IDE: variants seen among roughly 807,000 people sequenced by gnomAD.
IDE encodes the protein insulin-degrading enzyme.
A neutral mutation model predicts 133.2 loss-of-function variants in IDE; 58 were observed. The observed-to-expected ratio is 0.44, with a 90% CI of 0.35 to 0.54. The LOEUF (loss-of-function observed/expected upper bound fraction) is 0.54, where lower values mean the gene tolerates loss of function less well. IDE is among the 20% of genes least tolerant of loss of function. The probability of loss-of-function intolerance (pLI) is 0.00; values close to 1 mark genes in which losing one functional copy is unlikely to be tolerated. For synonymous variants in IDE, 396 were observed against 421.3 expected (o/e 0.94, Z 0.73); for missense variants, 981 against 1,234.0 (o/e 0.79, Z 3.07).
chr10:92,556,537 C>T (rs1843019566), intron 1 of IDE, among the ~76,000 whole-genome samples: 1 of 151,724 alleles, frequency 6.6e-6, no homozygotes. Context: ...GGCAGGTGAT[C>T]ACCTGAGGTC....
chr10:92,552,473 T>C (rs1842828719), intron 1 of IDE, among the ~76,000 whole-genome samples: 1 of 152,184 alleles, frequency 6.6e-6, no homozygotes, highest in Admixed American at 6.5e-5. Context: ...TATATGTGGC[T>C]GTCCACCAGA....
chr10:92,572,412 T>C (rs556485900), intron 1 of IDE, among the ~76,000 whole-genome samples: 1 of 152,196 alleles, frequency 6.6e-6, no homozygotes, highest in African/African-American at 2.4e-5. Flanking sequence ...ACAAGTTCCA[T>C]AGAGTCTTCA....
chr10:92,479,412 A>G lies in IDE; in HGVS notation c.1749T>C (p.Ala583=), dbSNP rs1329756971. 33 of 1,604,530 alleles carry G rather than the reference A, an allele frequency of 2.1e-5. No homozygotes were observed. The highest frequency in any genetic ancestry group is 2.6e-5 in the Non-Finnish European group (30 of 1,172,422). Residue 583 remains alanine, a synonymous_variant, in exon 15 of 25, where the codon GCT becomes GCC. Coordinates refer to ENST00000265986, the MANE Select transcript of IDE (RefSeq NM_004969.4). ...TGTTACAGTGCAAGGGGTCCACATA[A>G]GCAAATGGGCTGGAAGAAAATGTTG... ...CLNFEFFSPF[A]YVDPLHCNMA...
At chr10:92,536,043 A>G (rs1318012195) in intron 2 of IDE, among the ~76,000 whole-genome samples, 3 of 151,718 alleles carry the variant, frequency 2.0e-5, no homozygotes, top group Non-Finnish European at 4.4e-5. Context: ...CTCAGAGAAA[A>G]AAAAAAAAAG....
intron 20 of IDE, 136 bp from the exon 21 acceptor site, chr10:92,464,139 G>A: frequency 3.7e-6 from 3 of 814,964 alleles, no homozygotes; most frequent in Non-Finnish European, 2.0e-6. Flanking sequence ...AAAGAAATAT[G>A]AGCACTTAAG....
chr10:92,461,175 T>C lies in IDE; in HGVS notation c.2823+16A>G, dbSNP rs951087436. 1 of 1,216,218 alleles carries C rather than the reference T, an allele frequency of 8.2e-7. No homozygotes were observed. The highest frequency in any genetic ancestry group is 1.2e-6 in the Non-Finnish European group (1 of 820,094). 75.3% of individuals were successfully genotyped at this position (1,216,218 alleles called of 1,614,324 possible). The stretch of plus-strand genomic sequence containing the variant: ...TTTCATATCAGTCAAAATCTAAATA[T>C]ATGAATTTGACTTACCTTGTAGAAT... On this transcript the variant is annotated intron_variant, in intron 22 of 24. Coordinates refer to ENST00000265986, the MANE Select transcript of IDE (RefSeq NM_004969.4).
At chr10:92,565,715 C>T (rs1290933536) in intron 1 of IDE, among the ~76,000 whole-genome samples, 1 of 152,142 alleles carries the variant, frequency 6.6e-6, no homozygotes, top group Non-Finnish European at 1.5e-5. Context: ...TACCAAGTTC[C>T]AGTCATATTT....
chr10:92,475,079 T>C, intron 16 of IDE, 118 bp from the exon 17 acceptor site: 1 of 718,014 alleles, frequency 1.4e-6, no homozygotes, highest in Non-Finnish European at 2.3e-6. Context: ...ATTCCCTTCT[T>C]TCCCCTTTCT....
At chr10:92,478,312 C>T (rs958455040) in intron 15 of IDE, among the ~76,000 whole-genome samples, 3 of 152,086 alleles carry the variant, frequency 2.0e-5, no homozygotes, top group South Asian at 4.1e-4. Flanking sequence ...ATTCAATCAC[C>T]ACAACAACTA....
At chr10:92,545,600 C>G (rs1458508777) in intron 1 of IDE, among the ~76,000 whole-genome samples, 7 of 152,150 alleles carry the variant, frequency 4.6e-5, no homozygotes, top group African/African-American at 1.7e-4. Context: ...TGAGTGCAGA[C>G]TGAAGATCAT....
intron 17 of IDE, 37 bp downstream of exon 17, chr10:92,474,804 A>C: frequency 2.5e-6 from 4 of 1,576,472 alleles, no homozygotes; most frequent in Non-Finnish European, 3.4e-6. Flanking sequence ...TAGGAAAAAA[A>C]TGAAGAAAGC....
At position 92,554,555 on chromosome 10, in the gene IDE, A is replaced by AAC. The variant is rs1298189182; in HGVS notation, c.99-17006_99-17005insGT. 5.3e-5 allele frequency among the ~76,000 whole-genome samples: 8 copies of AAC among 150,640 alleles called. No individual in the cohort carries two copies. In the East Asian group the frequency reaches 1.6e-3, roughly 29 times the overall value. On this transcript the variant is annotated intron_variant, in intron 1 of 24. Transcript: ENST00000265986. ...AATGCAACAGTGTCTTAAAAAAAAA[A>AAC]AAAAAAAGATGGCCAGGTGCAGTGG...
intron 11 of IDE, among the ~76,000 whole-genome samples, chr10:92,491,295 G>A (rs1376541347): frequency 6.6e-6 from 1 of 151,206 alleles, no homozygotes; most frequent in African/African-American, 2.4e-5. Flanking sequence ...GAGTATCTCA[G>A]GTGCAGAATT....
intron 12 of IDE, among the ~76,000 whole-genome samples, chr10:92,488,392 C>T (rs920693563): frequency 2.0e-5 from 3 of 152,162 alleles, no homozygotes; most frequent in Admixed American, 6.5e-5. Flanking sequence ...CCACCACGCT[C>T]GGCTTTCAGT....
At chr10:92,507,780 A>C (rs1848374968) in intron 8 of IDE, 114 bp from the exon 9 acceptor site, 1 of 699,798 alleles carries the variant, frequency 1.4e-6, no homozygotes, top group East Asian at 2.6e-5. Context: ...TAGAAAATGC[A>C]GTCCTCACCT....
rs1209787303 is a variant in IDE at position 92,556,182 on chromosome 10, A to AAAAAG, written c.98+17739_98+17740insCTTTT. Among the ~76,000 whole-genome samples, 533 of 149,562 alleles carry AAAAAG rather than the reference A, an allele frequency of 3.6e-3. 7 individuals carry two copies. The highest frequency in any genetic ancestry group is 6.7e-3 in the Non-Finnish European group (452 of 67,250). On this transcript the variant is annotated intron_variant, in intron 1 of 24. Coordinates refer to ENST00000265986, the MANE Select transcript of IDE (RefSeq NM_004969.4). ...GTGACAGAGCGAGACTCCGTCTCAA[A>AAAAAG]AAAAAAAAAAAAAAAAAAGAAAGAA...
intron 1 of IDE, among the ~76,000 whole-genome samples, chr10:92,571,140 T>TACTGGGATTACA (rs796489366): frequency 8.7e-4 from 132 of 151,626 alleles, no homozygotes; most frequent in African/African-American, 3.0e-3. Context: ...GCCTCATGAG[T>TACTGGGATTACA]AGCTGGGATT....
rs558299958 is a variant in IDE, at chr10:92,452,612, A to G, written c.*1832T>C. The G allele has an allele frequency of 7.9e-5, 12 of 152,350 alleles. No homozygotes were observed. In the South Asian group the frequency reaches 2.5e-3, roughly 32 times the overall value. 9.4% of individuals were successfully genotyped at this position (152,350 alleles called of 1,614,324 possible). On this transcript the variant is annotated 3_prime_UTR_variant, in exon 25 of 25. Coordinates refer to ENST00000265986, the MANE Select transcript of IDE (RefSeq NM_004969.4). ...TTGCTCTCAGATCTCTTCATGTGTC[A>G]TTCTCATAAAAAAGACACTTAAATT...
At chr10:92,528,277 T>C (rs1269739765) in intron 4 of IDE, among the ~76,000 whole-genome samples, 1 of 152,198 alleles carries the variant, frequency 6.6e-6, no homozygotes, top group African/African-American at 2.4e-5. Context: ...AGTTTGACAA[T>C]AGCTTTTAAT....
Sources: allele counts gnomAD v4.1 joint callset (sites outside exome capture counted in the v4.1 genomes callset), GRCh38; gene constraint gnomAD v4.1.1; transcripts MANE v1.5; gene names NCBI Gene and HGNC (gene_info 2026-07-23, HGNC 2026-07-21).